Variants in TMEM117 observed in about 807,000 individuals in gnomAD.
TMEM117 encodes transmembrane protein 117.
Under a neutral mutation model 52.4 loss-of-function variants are expected in TMEM117, and 27 were observed. The ratio of observed to expected loss-of-function variants is 0.51; its 90% confidence interval spans 0.38 to 0.71. TMEM117 has a LOEUF of 0.71. Ranked by LOEUF, TMEM117 falls within the 30% of genes least tolerant of loss-of-function variation. TMEM117 has a pLI of 0.00. For missense variants in TMEM117, 556 were observed against 630.5 expected (o/e 0.88, Z 1.26); for synonymous variants, 215 against 206.3 (o/e 1.04, Z -0.36).
chr12:44,314,359 G>A (rs1021273464), intron 6 of TMEM117, among the ~76,000 whole-genome samples: 1 of 152,110 alleles, frequency 6.6e-6, no homozygotes, highest in Non-Finnish European at 1.5e-5. Flanking sequence ...TGATCATACA[G>A]TTTTGGTTTT....
intron 5 of TMEM117, among the ~76,000 whole-genome samples, chr12:44,223,088 G>A (rs960826689): frequency 1.3e-5 from 2 of 149,984 alleles, no homozygotes; most frequent in Non-Finnish European, 3.0e-5. Context: ...ACAAGTGCAG[G>A]TTTGTTACAT....
At chr12:44,035,254 T>A (rs762651485) in intron 3 of TMEM117, among the ~76,000 whole-genome samples, 2 of 152,254 alleles carry the variant, frequency 1.3e-5, no homozygotes, top group Non-Finnish European at 2.9e-5. Flanking sequence ...AACAACCTTG[T>A]AGACATTTTG....
intron 4 of TMEM117, among the ~76,000 whole-genome samples, chr12:44,155,578 A>G (rs995973871): frequency 1.3e-5 from 2 of 152,120 alleles, no homozygotes; most frequent in Admixed American, 6.6e-5. Flanking sequence ...TTGCATAAAT[A>G]ATAAATACCA....
intron 3 of TMEM117, among the ~76,000 whole-genome samples, chr12:44,095,787 T>C (rs912234024): frequency 6.6e-6 from 1 of 152,144 alleles, no homozygotes; most frequent in African/African-American, 2.4e-5. Context: ...ACTGGAAGCA[T>C]TCCCTTTGAA....
chr12:43,918,630 A>T (rs1214544001), intron 2 of TMEM117, among the ~76,000 whole-genome samples: 1 of 152,112 alleles, frequency 6.6e-6, no homozygotes, highest in Non-Finnish European at 1.5e-5. Context: ...TCCTTTTTTA[A>T]AAAACATTAA....
intron 3 of TMEM117, among the ~76,000 whole-genome samples, chr12:44,066,350 T>A (rs528139091): frequency 6.6e-6 from 1 of 152,306 alleles, no homozygotes; most frequent in East Asian, 1.9e-4. Context: ...TCTCTGAAAC[T>A]GTTTGTAGAG....
At chr12:44,303,870 C>A (rs542461314) in intron 6 of TMEM117, among the ~76,000 whole-genome samples, 1 of 152,162 alleles carries the variant, frequency 6.6e-6, no homozygotes, top group South Asian at 2.1e-4. Flanking sequence ...CACTTGTACC[C>A]CATAAATTTA....
chr12:44,168,707 G>A lies in TMEM117; in HGVS notation c.510+25083G>A, dbSNP rs565488212. The stretch of plus-strand genomic sequence containing the variant: ...ATATATTTTTTTATTGTGATAAAAC[G>A]TACATAACATAAAATTTACCATTTT... On this transcript the variant is annotated intron_variant, in intron 4 of 7. Coordinates refer to ENST00000266534, the MANE Select transcript of TMEM117 (RefSeq NM_032256.3). Among the ~76,000 whole-genome samples, 227 of 152,158 alleles carry A rather than the reference G, an allele frequency of 1.5e-3. 1 individual carries two copies. Among genetic ancestry groups the A allele is most frequent in the Non-Finnish European group, 1.7e-3 (114 of 67,994 alleles).
chr12:44,339,784 GAGGATTC>G (rs1373211599), intron 6 of TMEM117, among the ~76,000 whole-genome samples: 1 of 151,678 alleles, frequency 6.6e-6, no homozygotes, highest in East Asian at 1.9e-4. Context: ...CTTTGAATTG[GAGGATTC>G]AATATTATCA....
chr12:43,836,648 GA>G (rs1010921565), intron 1 of TMEM117, among the ~76,000 whole-genome samples: 2 of 152,022 alleles, frequency 1.3e-5, no homozygotes, highest in Non-Finnish European at 2.9e-5. Context: ...TTGTTCTTGG[GA>G]AAAAAACAAA....
intron 4 of TMEM117, among the ~76,000 whole-genome samples, chr12:44,145,151 C>T (rs538294824): frequency 6.4e-4 from 97 of 152,114 alleles, no homozygotes; most frequent in Non-Finnish European, 3.8e-4. Context: ...AGCGAGACTC[C>T]GTCTCAAAAA....
chr12:44,353,705 T>C (rs1951601201), intron 6 of TMEM117, among the ~76,000 whole-genome samples: 1 of 152,182 alleles, frequency 6.6e-6, no homozygotes, highest in Non-Finnish European at 1.5e-5. Flanking sequence ...TGTAGCCTTG[T>C]AGTATAGTTT....
chr12:44,254,815 C>A (rs138164571), intron 5 of TMEM117, among the ~76,000 whole-genome samples: 12 of 152,034 alleles, frequency 7.9e-5, no homozygotes, highest in African/African-American at 2.4e-4. Flanking sequence ...CCTCTCCCCC[C>A]ACCCCACAAC....
At chr12:44,152,210 TATA>T (rs1948743393) in intron 4 of TMEM117, among the ~76,000 whole-genome samples, 1 of 106,696 alleles carries the variant, frequency 9.4e-6, no homozygotes, top group South Asian at 3.3e-4. Context: ...TAATTATATT[TATA>T]TTATATATTA....
intron 5 of TMEM117, among the ~76,000 whole-genome samples, chr12:44,218,068 A>G (rs1949740893): frequency 6.6e-6 from 1 of 152,132 alleles, no homozygotes; most frequent in African/African-American, 2.4e-5. Flanking sequence ...TACTAAAAAT[A>G]CAAAAATTGG....
intron 3 of TMEM117, among the ~76,000 whole-genome samples, chr12:44,010,428 G>A (rs1946271355): frequency 6.6e-6 from 1 of 152,154 alleles, no homozygotes; most frequent in African/African-American, 2.4e-5. Flanking sequence ...GAAGCTCCAA[G>A]ATTTTCGGAG....
Position 43,983,547 on chromosome 12 carries a change from CGTGTGTGTGTGTGT to C in TMEM117, c.410+39238_410+39251del, listed in dbSNP as rs748259406. ...AAACTGCAATTACTTTTGCACCAAC[CGTGTGTGTGTGTGT>C]GTGTGTGTGTGTGTGTGTGTGTGTG... On this transcript the variant is annotated intron_variant, in intron 3 of 7. Transcript: ENST00000266534. 4.3e-3 allele frequency among the ~76,000 whole-genome samples: 480 copies of C among 110,712 alleles called. 8 individuals are homozygous for C. Among genetic ancestry groups the C allele is most frequent in the African/African-American group, 0.013 (418 of 31,770 alleles). 72.6% of individuals were successfully genotyped at this position (110,712 alleles called of 152,430 possible).
chr12:44,034,424 G>T (rs1252412812), intron 3 of TMEM117, among the ~76,000 whole-genome samples: 1 of 152,090 alleles, frequency 6.6e-6, no homozygotes, highest in African/African-American at 2.4e-5. Flanking sequence ...ATAAATAATT[G>T]ATATTAACAG....
intron 5 of TMEM117, among the ~76,000 whole-genome samples, chr12:44,291,932 T>C (rs1455694582): frequency 2.0e-5 from 3 of 152,078 alleles, no homozygotes. Context: ...ATTAGGAATA[T>C]TGACCTATGA....
Sources: gnomAD v4.1 joint callset for allele counts (sites outside exome capture counted in the v4.1 genomes callset) on GRCh38, gnomAD v4.1.1 for gene constraint, MANE v1.5 for transcripts, NCBI Gene and HGNC (gene_info 2026-07-23, HGNC 2026-07-21) for gene names.